SHLD1: variants seen among roughly 807,000 people sequenced by gnomAD.
SHLD1 encodes the protein RINN1-REV7-interacting novel NHEJ regulator 3.
SHLD1 carries 3 observed loss-of-function variants against 5.5 expected under a neutral mutation model. The observed-to-expected ratio is 0.54, with a 90% CI of 0.25 to 1.40. SHLD1 has a LOEUF of 1.40. SHLD1 is among the 40% of genes most tolerant of loss of function. The probability of loss-of-function intolerance (pLI) is 0.15; values close to 1 mark genes in which losing one functional copy is unlikely to be tolerated. For missense variants in SHLD1, 210 were observed against 244.4 expected (o/e 0.86, Z 0.94); for synonymous variants, 92 against 94.3 (o/e 0.98, Z 0.14).
At chr20:5,814,065 A>G (rs2087496233) in intron 2 of SHLD1, among the ~76,000 whole-genome samples, 2 of 143,436 alleles carry the variant, frequency 1.4e-5, no homozygotes, top group Non-Finnish European at 3.0e-5. Context: ...CGATTCTCCT[A>G]CCTCAGCCTC....
chr20:5,800,299 C>T (rs1436016437), intron 2 of SHLD1, among the ~76,000 whole-genome samples: 1 of 152,206 alleles, frequency 6.6e-6, no homozygotes, highest in Non-Finnish European at 1.5e-5. Flanking sequence ...TCATTTGTGC[C>T]TTTTTTCCTA....
At chr20:5,805,214 G>A (rs934451217) in intron 2 of SHLD1, among the ~76,000 whole-genome samples, 1 of 152,176 alleles carries the variant, frequency 6.6e-6, no homozygotes, top group African/African-American at 2.4e-5. Flanking sequence ...CTGGAGTGCA[G>A]TGGCGCGATC....
intron 2 of SHLD1, among the ~76,000 whole-genome samples, chr20:5,838,654 G>A (rs1419865318): frequency 5.9e-5 from 9 of 152,260 alleles, no homozygotes; most frequent in Middle Eastern, 3.4e-3. Context: ...CCAGCTACTC[G>A]GGAGGCTGAG....
At chr20:5,825,930 A>C (rs2087660476) in intron 2 of SHLD1, among the ~76,000 whole-genome samples, 1 of 152,116 alleles carries the variant, frequency 6.6e-6, no homozygotes. Context: ...CGACATGGGG[A>C]GTGGGGCTTG....
At chr20:5,826,794 T>C (rs117891162) in intron 2 of SHLD1, among the ~76,000 whole-genome samples, 1 of 152,286 alleles carries the variant, frequency 6.6e-6, no homozygotes, top group East Asian at 1.9e-4. Context: ...TCATACAGAA[T>C]CTGCATGGGT....
At chr20:5,840,332 T>C (rs2087842607) in intron 2 of SHLD1, among the ~76,000 whole-genome samples, 1 of 152,182 alleles carries the variant, frequency 6.6e-6, no homozygotes, top group South Asian at 2.1e-4. Flanking sequence ...ATTTTTTTTT[T>C]CATCTGACAG....
At chr20:5,819,155 C>T (rs1223485243) in intron 2 of SHLD1, among the ~76,000 whole-genome samples, 3 of 152,068 alleles carry the variant, frequency 2.0e-5, no homozygotes, top group Admixed American at 6.6e-5. Flanking sequence ...AGCCACCGTG[C>T]CCCGCCAGTG....
Position 5,752,345 on chromosome 20 carries a change from G to A in SHLD1, c.-5+1866G>A, listed in dbSNP as rs1648282862. On this transcript the variant is annotated intron_variant, in intron 1 of 2. Coordinates refer to ENST00000303142, the MANE Select transcript of SHLD1 (RefSeq NM_152504.4). ...CAGGAGACAAAGGTTGCAGTGAGCT[G>A]AGATCGCACTACTGCACTCTAGCCT... Among the ~76,000 whole-genome samples, 4 of 151,072 alleles carry A rather than the reference G, an allele frequency of 2.6e-5. No homozygotes were observed. In the South Asian group the frequency reaches 8.3e-4, roughly 32 times the overall value.
intron 2 of SHLD1, among the ~76,000 whole-genome samples, chr20:5,860,584 T>C (rs2088147977): frequency 6.6e-6 from 1 of 152,116 alleles, no homozygotes; most frequent in South Asian, 2.1e-4. Context: ...AGATGAAGTT[T>C]AAAAAAAGTT....
intron 2 of SHLD1, among the ~76,000 whole-genome samples, chr20:5,786,561 TGAGAC>T: frequency 6.6e-6 from 1 of 151,406 alleles, no homozygotes; most frequent in Non-Finnish European, 1.5e-5. Flanking sequence ...AGTGACAGAA[TGAGAC>T]CTCATCTCTT....
Position 5,804,262 on chromosome 20 carries a change from C to T in SHLD1, c.178+31219C>T, listed in dbSNP as rs113395448. Among the ~76,000 whole-genome samples, 895 of 151,144 alleles carry T rather than the reference C, an allele frequency of 5.9e-3. 9 individuals carry two copies. Among genetic ancestry groups the T allele is most frequent in the Non-Finnish European group, 7.3e-3 (497 of 67,890 alleles). On this transcript the variant is annotated intron_variant, in intron 2 of 2. Coordinates refer to ENST00000303142, the MANE Select transcript of SHLD1 (RefSeq NM_152504.4). ...CCAGGAGGCAGAGGTTGCAATGAGC[C>T]GTACTTACTATATATATATAGTAAC...
intron 2 of SHLD1, among the ~76,000 whole-genome samples, chr20:5,792,250 A>G (rs1423117524): frequency 1.3e-5 from 2 of 152,152 alleles, no homozygotes; most frequent in Non-Finnish European, 2.9e-5. Flanking sequence ...TGTCATGTCT[A>G]AGAAATCATT....
chr20:5,777,604 T>A (rs1456140039), intron 2 of SHLD1, among the ~76,000 whole-genome samples: 1 of 151,638 alleles, frequency 6.6e-6, no homozygotes, highest in Non-Finnish European at 1.5e-5. Flanking sequence ...AAATTTTATT[T>A]TTTTTTTTTG....
chr20:5,751,863 G>A (rs1983769009), intron 1 of SHLD1, among the ~76,000 whole-genome samples: 1 of 152,098 alleles, frequency 6.6e-6, no homozygotes, highest in Non-Finnish European at 1.5e-5. Context: ...ATACATGGAA[G>A]GTATACATTG....
intron 1 of SHLD1, among the ~76,000 whole-genome samples, chr20:5,759,242 G>A (rs1022667809): frequency 1.3e-5 from 2 of 150,534 alleles, no homozygotes; most frequent in Non-Finnish European, 3.0e-5. Flanking sequence ...CATGAGCCAC[G>A]GTGCCCAGCC....
At chr20:5,760,528 A>C (rs1314017230) in intron 1 of SHLD1, among the ~76,000 whole-genome samples, 1 of 151,986 alleles carries the variant, frequency 6.6e-6, no homozygotes, top group Non-Finnish European at 1.5e-5. Flanking sequence ...CCCTGTCTCT[A>C]CTTAAAATAC....
chr20:5,774,711 T>C (rs1032094945), intron 2 of SHLD1, among the ~76,000 whole-genome samples: 7 of 152,092 alleles, frequency 4.6e-5, no homozygotes, highest in Non-Finnish European at 8.8e-5. Flanking sequence ...AAGGGGATGG[T>C]GCTGTAAACC....
intron 2 of SHLD1, among the ~76,000 whole-genome samples, chr20:5,810,983 G>C (rs892462829): frequency 6.6e-6 from 1 of 151,964 alleles, no homozygotes; most frequent in South Asian, 2.1e-4. Context: ...ATCCAATGCT[G>C]AGAAGTGCTG....
chr20:5,847,090 G>GT (rs200818623), intron 2 of SHLD1, among the ~76,000 whole-genome samples: 2,897 of 149,444 alleles, frequency 0.019, 69 homozygotes, highest in East Asian at 0.094. Flanking sequence ...TCATATTAGG[G>GT]TTTTTTTTTT....
Sources: gnomAD v4.1 joint callset for allele counts (sites outside exome capture counted in the v4.1 genomes callset) on GRCh38, gnomAD v4.1.1 for gene constraint, MANE v1.5 for transcripts, NCBI Gene and HGNC (gene_info 2026-07-23, HGNC 2026-07-21) for gene names.